The following CSMD1 variants were observed in gnomAD, a reference collection of about 807,000 sequenced individuals.
CSMD1 encodes the protein CUB and Sushi multiple domains 1.
A neutral mutation model predicts 417.5 loss-of-function variants in CSMD1; 213 were observed. The observed-to-expected ratio is 0.51, with a 90% CI of 0.46 to 0.57. CSMD1 has a LOEUF of 0.57. CSMD1 is among the 20% of genes least tolerant of loss of function. CSMD1 has a pLI of 0.00. For missense variants in CSMD1, 6,923 were observed against 4,529.7 expected (o/e 1.53, Z -15.17); for synonymous variants, 2,862 against 1,736.8 (o/e 1.65, Z -16.11).
intron 21 of CSMD1, among the ~76,000 whole-genome samples, chr8:3,350,373 A>C (rs1432783907): frequency 6.6e-6 from 1 of 152,032 alleles, no homozygotes; most frequent in Non-Finnish European, 1.5e-5. Context: ...ACATGTCAAT[A>C]AACCCCATTT....
intron 25 of CSMD1, among the ~76,000 whole-genome samples, chr8:3,305,007 GC>G (rs1232741574): frequency 6.6e-5 from 10 of 152,050 alleles, no homozygotes; most frequent in African/African-American, 2.4e-4. Context: ...CTCAAATCTA[GC>G]ATTTGTGAAT....
intron 3 of CSMD1, among the ~76,000 whole-genome samples, chr8:4,209,734 T>C (rs1332399035): frequency 2.0e-5 from 3 of 152,160 alleles, no homozygotes; most frequent in African/African-American, 7.2e-5. Flanking sequence ...GCACCAGATG[T>C]CCTGCTCCTA....
At chr8:3,061,385 C>T (rs1187273957) in intron 49 of CSMD1, among the ~76,000 whole-genome samples, 2 of 152,184 alleles carry the variant, frequency 1.3e-5, no homozygotes, top group Non-Finnish European at 2.9e-5. Flanking sequence ...TGAAGGTCAG[C>T]TAAAACCTAA....
intron 3 of CSMD1, among the ~76,000 whole-genome samples, chr8:4,237,410 G>A (rs981289074): frequency 6.6e-6 from 1 of 152,008 alleles, no homozygotes; most frequent in Non-Finnish European, 1.5e-5. Context: ...TACACACCCA[G>A]GCAGTTTTTT....
chr8:3,301,295 C>G (rs539114035), intron 25 of CSMD1, among the ~76,000 whole-genome samples: 2 of 151,904 alleles, frequency 1.3e-5, no homozygotes, highest in East Asian at 1.9e-4. Flanking sequence ...GTCTACCCAG[C>G]GAAGGAACCA....
At chr8:4,720,027 C>A (rs1673270) in intron 1 of CSMD1, among the ~76,000 whole-genome samples, 41,866 of 151,722 alleles carry the variant, frequency 0.28, 6,654 homozygotes, top group African/African-American at 0.44. Context: ...ACTTACAGAT[C>A]ATTAAATATT....
intron 8 of CSMD1, among the ~76,000 whole-genome samples, chr8:3,606,145 G>C (rs185752574): frequency 6.6e-6 from 1 of 152,186 alleles, no homozygotes; most frequent in African/African-American, 2.4e-5. Flanking sequence ...AGAGCCCCTC[G>C]TTCTGCAGAG....
rs529674589 is a variant in CSMD1 at position 3,452,131 on chromosome 8, T to G, written c.1561+16581A>C. Among the ~76,000 whole-genome samples the G allele has an allele frequency of 4.2e-3, 636 of 152,214 alleles. 2 individuals carry two copies. The highest frequency in any genetic ancestry group is 0.014 in the African/African-American group (597 of 41,526). ...GGCTCTCTGTTTGTCTGTTATTGTT[T>G]TATAAGAATGCTTGTGATTTTTGCA... On this transcript the variant is annotated intron_variant, in intron 12 of 69. Coordinates refer to ENST00000635120, the MANE Select transcript of CSMD1 (RefSeq NM_033225.6).
chr8:2,995,682 G>A (rs1054555451), intron 54 of CSMD1, among the ~76,000 whole-genome samples: 7 of 152,130 alleles, frequency 4.6e-5, no homozygotes, highest in African/African-American at 1.4e-4. Flanking sequence ...GAAAAAAACT[G>A]TTACATCTGT....
At chr8:4,376,088 A>G (rs572604026) in intron 3 of CSMD1, among the ~76,000 whole-genome samples, 74 of 152,358 alleles carry the variant, frequency 4.9e-4, no homozygotes, top group African/African-American at 1.7e-3. Flanking sequence ...AATTTAATAT[A>G]TCATAACTAA....
intron 5 of CSMD1, among the ~76,000 whole-genome samples, chr8:3,953,523 C>G (rs1442085571): frequency 6.6e-6 from 1 of 152,076 alleles, no homozygotes; most frequent in Admixed American, 6.6e-5. Context: ...AAGATAATGA[C>G]ATTGCCCTGA....
chr8:3,027,007 C>A (rs556203393), intron 51 of CSMD1, among the ~76,000 whole-genome samples: 3 of 152,012 alleles, frequency 2.0e-5, no homozygotes, highest in Admixed American at 6.6e-5. Flanking sequence ...TAGCCAGCAT[C>A]CCAATTTAAA....
At chr8:3,952,210 T>C (rs1811642865) in intron 5 of CSMD1, among the ~76,000 whole-genome samples, 1 of 152,132 alleles carries the variant, frequency 6.6e-6, no homozygotes, top group Non-Finnish European at 1.5e-5. Flanking sequence ...GAAAAGAATT[T>C]TCATAATAAG....
intron 5 of CSMD1, among the ~76,000 whole-genome samples, chr8:3,806,310 T>C (rs1800738811): frequency 6.6e-6 from 1 of 152,186 alleles, no homozygotes; most frequent in Non-Finnish European, 1.5e-5. Context: ...GCCTTAATTC[T>C]TTGGGTAATT....
At chr8:3,448,940 A>T (rs1474309655) in intron 12 of CSMD1, among the ~76,000 whole-genome samples, 3 of 152,224 alleles carry the variant, frequency 2.0e-5, no homozygotes, top group Non-Finnish European at 4.4e-5. Flanking sequence ...CCCAAGAGTA[A>T]ATGTAGGAAA....
chr8:4,524,732 T>C (rs1011226982), intron 2 of CSMD1, among the ~76,000 whole-genome samples: 46 of 152,274 alleles, frequency 3.0e-4, no homozygotes, highest in African/African-American at 1.1e-3. Flanking sequence ...GATCCTAAAA[T>C]TCTTTCAAAC....
At chr8:4,263,347 A>G (rs151310442) in intron 3 of CSMD1, among the ~76,000 whole-genome samples, 15 of 152,288 alleles carry the variant, frequency 9.8e-5, no homozygotes, top group Non-Finnish European at 1.8e-4. Flanking sequence ...CCCTGGAGTT[A>G]TGGTGAACAA....
chr8:3,167,992 T>C (rs1368281113), intron 37 of CSMD1, among the ~76,000 whole-genome samples: 1 of 151,988 alleles, frequency 6.6e-6, no homozygotes, highest in African/African-American at 2.4e-5. Context: ...GAAATGACCT[T>C]GGGCAATTTT....
intron 3 of CSMD1, among the ~76,000 whole-genome samples, chr8:4,102,841 A>G (rs1022405526): frequency 2.7e-4 from 41 of 152,176 alleles, no homozygotes; most frequent in African/African-American, 9.7e-4. Flanking sequence ...GCTTGATATC[A>G]GGAAGGAATC....
Sources: allele counts gnomAD v4.1 joint callset (sites outside exome capture counted in the v4.1 genomes callset), GRCh38; gene constraint gnomAD v4.1.1; transcripts MANE v1.5; gene names NCBI Gene and HGNC (gene_info 2026-07-23, HGNC 2026-07-21).